Variants in EIF3M observed in about 807,000 individuals in gnomAD.
The protein encoded by EIF3M is B5 receptor.
In EIF3M, 25 loss-of-function variants were observed where a neutral mutation model predicts 49.7. The observed-to-expected ratio is 0.50, with a 90% CI of 0.37 to 0.70. EIF3M has a LOEUF of 0.70. EIF3M is among the 30% of genes least tolerant of loss of function. The pLI, the probability that EIF3M is intolerant of heterozygous loss-of-function variation, is 0.00. For synonymous variants in EIF3M, 156 were observed against 149.8 expected, an observed-to-expected ratio of 1.04 and a Z score of -0.30; for missense variants, 350 against 440.0, an observed-to-expected ratio of 0.80 and a Z score of 1.83.
chr11:32,593,843 C>T, intron 5 of EIF3M, 23 bp from the exon 6 acceptor site: 2 of 1,525,894 alleles, frequency 1.3e-6, no homozygotes, highest in South Asian at 1.3e-5. Flanking sequence ...CTTTCAAGTT[C>T]CTAAAGCAAT....
chr11:32,594,159 G>C, intron 6 of EIF3M: 1 of 357,924 alleles, frequency 2.8e-6, no homozygotes, highest in Non-Finnish European at 5.0e-6. Context: ...GCTGCATGGC[G>C]TTTACCTGGC....
chr11:32,591,537 A>C (rs1386478769), intron 5 of EIF3M, among the ~76,000 whole-genome samples: 1 of 152,236 alleles, frequency 6.6e-6, no homozygotes, highest in Non-Finnish European at 1.5e-5. Context: ...AGGAATGTAC[A>C]TCTAATTGAC....
intron 8 of EIF3M, among the ~76,000 whole-genome samples, chr11:32,599,766 T>G (rs1214347450): frequency 6.6e-6 from 1 of 151,946 alleles, no homozygotes; most frequent in Non-Finnish European, 1.5e-5. Flanking sequence ...GGATTCCTAA[T>G]TTTTAAAATT....
intron 10 of EIF3M, 136 bp from the exon 11 acceptor site, chr11:32,602,143 A>G: frequency 7.8e-7 from 1 of 1,275,608 alleles, no homozygotes; most frequent in Non-Finnish European, 1.1e-6. Flanking sequence ...TAATTATGTA[A>G]TTCTTAAATT....
At chr11:32,601,535 T>A (rs1217061303) in intron 9 of EIF3M, 5 of 335,330 alleles carry the variant, frequency 1.5e-5, no homozygotes, top group Non-Finnish European at 2.7e-5. Context: ...AGCAAAAAAC[T>A]GTATGCAGTA....
chr11:32,591,948 A>G lies in EIF3M; in HGVS notation c.534-1918A>G, dbSNP rs1023050719. ...ACCACCACCGTAATTACCACTCCCC[A>G]AATTACCTTCTTCATTGTAACCATC... On this transcript the variant is annotated intron_variant, in intron 5 of 10. Coordinates refer to ENST00000531120, the MANE Select transcript of EIF3M (RefSeq NM_006360.6). 1.5e-5 allele frequency: 4 copies of G among 270,062 alleles called. No homozygotes were observed. In the Admixed American group the frequency reaches 1.5e-4, roughly 10 times the overall value. 16.7% of individuals were successfully genotyped at this position (270,062 alleles called of 1,614,324 possible).
At chr11:32,588,108 A>C (rs1855028693) in intron 2 of EIF3M, among the ~76,000 whole-genome samples, 1 of 152,102 alleles carries the variant, frequency 6.6e-6, no homozygotes, top group Admixed American at 6.6e-5. Context: ...ACCACATCAT[A>C]GGCCAGGCAT....
At chr11:32,596,178 T>C (rs1216431309) in intron 8 of EIF3M, 131 bp downstream of exon 8, 2 of 616,122 alleles carry the variant, frequency 3.2e-6, no homozygotes. Context: ...TCGTGTATGA[T>C]AGAACAGCAC....
rs1590522683 is a variant in EIF3M at position 32,594,716 on chromosome 11, T to C, written c.618-198T>C. ...TATGTTTTTATCTACAATTAATATATTTCATTTTGTTAAAACAGATGAACC... is the reference window on the plus strand; with the variant it reads ...TATGTTTTTATCTACAATTAATATACTTCATTTTGTTAAAACAGATGAACC... On this transcript the variant is annotated intron_variant, in intron 6 of 10. Coordinates refer to ENST00000531120, the MANE Select transcript of EIF3M (RefSeq NM_006360.6). 3 of 412,122 alleles carry C rather than the reference T, an allele frequency of 7.3e-6. No individual in the cohort carries two copies. The East Asian group carries it at 1.1e-4, about 16-fold the overall frequency. 25.5% of individuals were successfully genotyped at this position (412,122 alleles called of 1,614,324 possible).
chr11:32,587,021 C>G lies in EIF3M; in HGVS notation c.52C>G (p.Leu18Val), dbSNP rs748105561. Residue 18 changes from leucine to valine, a missense_variant, in exon 2 of 11, where the codon CTT becomes GTT. Transcript: ENST00000531120. The part of the protein sequence containing the change: ...DISEEDQAAE[L>V]RAYLKSKGAE... ...GAGCAATCCTCAACAGGCTGCTGAG[C>G]TTCGTGCTTATCTGAAATCTAAAGG... The G allele has an allele frequency of 6.2e-7, 1 of 1,609,842 alleles. No individual in the cohort carries two copies. The highest frequency in any genetic ancestry group is 1.7e-5 in the Admixed American group (1 of 59,442).
At chr11:32,588,899 T>C in intron 3 of EIF3M, 113 bp from the exon 4 acceptor site, 1 of 1,533,082 alleles carries the variant, frequency 6.5e-7, no homozygotes. Context: ...GTTTCCTCCT[T>C]TGTAATATGA....
chr11:32,596,841 G>C (rs1855188555), intron 8 of EIF3M, among the ~76,000 whole-genome samples: 1 of 152,082 alleles, frequency 6.6e-6, no homozygotes, highest in Admixed American at 6.5e-5. Flanking sequence ...GGAGGCAGAG[G>C]TTGCAGTGAG....
At chr11:32,586,560 A>G (rs1191836039) in intron 1 of EIF3M, among the ~76,000 whole-genome samples, 1 of 152,220 alleles carries the variant, frequency 6.6e-6, no homozygotes, top group South Asian at 2.1e-4. Flanking sequence ...CCTTTTGCCA[A>G]GGTAATGTCT....
chr11:32,602,344 G>A lies in EIF3M; in HGVS notation c.1070G>A (p.Trp357Ter). 1 of 1,612,204 alleles carries A rather than the reference G, an allele frequency of 6.2e-7. No homozygotes were observed. The change falls in exon 11 of 11, where the codon TGG (tryptophan) becomes TAG (stop). Residue 357 changes from tryptophan to a stop codon, truncating the protein, a stop_gained. Transcript: ENST00000531120. LOFTEE classifies it high-confidence loss of function. ...WQQLYDTLNA[W>*]KQNLNKVKNS... ...CAACTGTATGACACACTTAATGCCT[G>A]GAAACAAAATCTGAACAAAGTGAAA...
rs781654336 is a variant in EIF3M at position 32,602,854 on chromosome 11, CT to C, written c.*459del. ...TTTTTCCAACGTCTCTTCTGCTTTT[CT>C]TTTCTTTGGCTGGTTGTCATTTTCT... On this transcript the variant is annotated 3_prime_UTR_variant, in exon 11 of 11. Coordinates refer to ENST00000531120, the MANE Select transcript of EIF3M (RefSeq NM_006360.6). 6.2e-7 allele frequency: 1 copy of C among 1,608,338 alleles called. No individual in the cohort carries two copies.
In EIF3M at chr11:32,602,712, CAA is replaced by C; in HGVS notation, c.*315_*316del. 2.0e-6 allele frequency: 2 copies of C among 1,008,394 alleles called. No homozygotes were observed. Among genetic ancestry groups the C allele is most frequent in the Non-Finnish European group, 2.8e-6 (2 of 703,952 alleles). 62.5% of individuals were successfully genotyped at this position (1,008,394 alleles called of 1,614,324 possible). A position where few individuals can be genotyped will look rare whatever the true frequency, so the allele number is the denominator to read the frequency against. ...TTAGAAAAACTTGGAAAAGCAAAGA[CAA>C]ACTGTAGAGCTTTAAATACAACAGT... On this transcript the variant is annotated 3_prime_UTR_variant, in exon 11 of 11. Coordinates refer to ENST00000531120, the MANE Select transcript of EIF3M (RefSeq NM_006360.6).
rs181044877 is a variant in EIF3M at position 32,587,908 on chromosome 11, A to T, written c.176-686A>T. Among the ~76,000 whole-genome samples, 411 of 152,350 alleles carry T rather than the reference A, an allele frequency of 2.7e-3. 2 individuals are homozygous for T. The highest frequency in any genetic ancestry group is 0.014 in the Middle Eastern group (4 of 294). ...TGATTAATATCTGTAATACTTAAAA[A>T]TAACTAATTCAAGCAGAGAGCTGAC... On this transcript the variant is annotated intron_variant, in intron 2 of 10. Transcript: ENST00000531120.
intron 2 of EIF3M, among the ~76,000 whole-genome samples, chr11:32,587,961 A>G (rs201878): frequency 0.43 from 64,693 of 152,170 alleles, 14,148 homozygotes; most frequent in African/African-American, 0.46. Flanking sequence ...TCCTATATGT[A>G]TACACAAAGT....
rs1252081856 is a variant in EIF3M at position 32,594,982 on chromosome 11, T to A, written c.686T>A (p.Val229Asp). Residue 229 changes from valine to aspartate, a missense_variant, in exon 7 of 11, where the codon GTC (valine) becomes GAC (aspartate). Transcript: ENST00000531120. ...GACCACCTTCTTACTTTAAAACCAG[T>A]CAAGTTTTTGGAAGGCGAGCTTATT... ...LFDHLLTLKP[V>D]KFLEGELIHD... 1 of 1,613,564 alleles carries A rather than the reference T, an allele frequency of 6.2e-7. No individual in the cohort carries two copies. The highest frequency in any genetic ancestry group is 8.5e-7 in the Non-Finnish European group (1 of 1,179,792).
Sources: gnomAD v4.1 joint callset for allele counts (sites outside exome capture counted in the v4.1 genomes callset) on GRCh38, gnomAD v4.1.1 for gene constraint, MANE v1.5 for transcripts, NCBI Gene and HGNC (gene_info 2026-07-23, HGNC 2026-07-21) for gene names.